Variants in RGPD1 observed in about 807,000 individuals in gnomAD.
RGPD1 encodes RANBP2-like and GRIP domain-containing protein 1.
RGPD1 carries 7 observed loss-of-function variants against 40.6 expected under a neutral mutation model. The ratio of observed to expected loss-of-function variants is 0.17; its 90% CI spans 0.10 to 0.32. The LOEUF is 0.32. Among genes scored for constraint, RGPD1 ranks in the 10% least tolerant of loss-of-function variants. RGPD1 has a pLI of 1.00. For synonymous variants in RGPD1, 24 were observed against 167.0 expected (o/e 0.14, Z 6.60); for missense variants, 50 against 472.5 (o/e 0.11, Z 8.29).
At chr2:86,933,757 AT>A (rs536532606) in intron 1 of RGPD1, among the ~76,000 whole-genome samples, 28 of 79,960 alleles carry the variant, frequency 3.5e-4, no homozygotes, top group East Asian at 2.2e-3. Flanking sequence ...CTAAGAGTAA[AT>A]TTTTTTTTTT....
chr2:86,915,120 A>G (rs1421746285), intron 1 of RGPD1, among the ~76,000 whole-genome samples: 1 of 149,478 alleles, frequency 6.7e-6, no homozygotes, highest in East Asian at 2.0e-4. Flanking sequence ...ACGTGGTGAA[A>G]CCCTTTCTCT....
At chr2:87,009,147 T>C (rs1420529650) in intron 22 of RGPD1, among the ~76,000 whole-genome samples, 1 of 69,504 alleles carries the variant, frequency 1.4e-5, no homozygotes, top group African/African-American at 6.3e-5. Flanking sequence ...CTACTAAAAA[T>C]ACAAAAAATT....
At chr2:86,919,464 C>T (rs556273305) in intron 1 of RGPD1, among the ~76,000 whole-genome samples, 1 of 129,994 alleles carries the variant, frequency 7.7e-6, no homozygotes, top group South Asian at 2.6e-4. Context: ...AGGCCATAGG[C>T]TTATAAGGTG....
intron 1 of RGPD1, among the ~76,000 whole-genome samples, chr2:86,914,338 C>CCG (rs1677640616): frequency 9.4e-5 from 2 of 21,214 alleles, no homozygotes; most frequent in Non-Finnish European, 1.6e-4. Context: ...GGCCGGGCGG[C>CCG]GGCGGCGGCG....
upstream of RGPD1, among the ~76,000 whole-genome samples, chr2:86,941,420 C>G (rs1269371335): frequency 6.7e-6 from 1 of 149,924 alleles, no homozygotes; most frequent in Non-Finnish European, 1.5e-5. Flanking sequence ...AAGTGTCTCA[C>G]TCTGGTGCCC....
upstream of RGPD1, among the ~76,000 whole-genome samples, chr2:86,938,619 T>C (rs1333542526): frequency 1.2e-4 from 18 of 151,944 alleles, no homozygotes; most frequent in African/African-American, 4.1e-4. Flanking sequence ...AAAAAATAAA[T>C]AAATAAAAAG....
In RGPD1 at chr2:86,942,216, G is replaced by A. The variant is rs1033451214; in HGVS notation, c.-21G>A. The A allele has an allele frequency of 1.9e-5, 31 of 1,597,546 alleles. No individual in the cohort carries two copies. In the South Asian group the frequency reaches 2.3e-4, roughly 12 times the overall value. On this transcript the variant is annotated 5_prime_UTR_variant, in exon 1 of 23. Coordinates refer to ENST00000641458, the MANE Select transcript of RGPD1 (RefSeq NM_001382344.1). ...GCTGAGCGCTGGTTTCACGCGTCTC[G>A]GGAGCCAGGTTGGCGGTGCGATGAG...
At chr2:86,915,060 C>A (rs1223535031) in intron 1 of RGPD1, among the ~76,000 whole-genome samples, 1 of 149,598 alleles carries the variant, frequency 6.7e-6, no homozygotes, top group Non-Finnish European at 1.5e-5. Flanking sequence ...TTTTGTGAGA[C>A]TGAGGCAGGT....
Position 87,008,800 on chromosome 2 carries a change from A to G in RGPD1, c.5237-3713A>G, listed in dbSNP as rs1193296188. ...AGAAATAAAAAACACCATAACAGAA[A>G]TGAAGAATGCCTTTGATGGGTTCAT... On this transcript the variant is annotated intron_variant, in intron 22 of 22. Coordinates refer to ENST00000641458, the MANE Select transcript of RGPD1 (RefSeq NM_001382344.1). Among the ~76,000 whole-genome samples the G allele has an allele frequency of 3.8e-3, 207 of 54,132 alleles. 1 individual carries two copies. The highest frequency in any genetic ancestry group is 0.016 in the African/African-American group (197 of 12,446). 35.5% of individuals were successfully genotyped at this position (54,132 alleles called of 152,430 possible).
At position 87,010,955 on chromosome 2, in the gene RGPD1, G is replaced by T. The variant is rs1232964389; in HGVS notation, c.5237-1558G>T. On this transcript the variant is annotated intron_variant, in intron 22 of 22. Coordinates refer to ENST00000641458, the MANE Select transcript of RGPD1 (RefSeq NM_001382344.1). ...AATTCTGGGATCTGAGCAAAGTTTT[G>T]CTCCTTTCCGAGAGGTGAACACGTT... 2.2e-5 allele frequency among the ~76,000 whole-genome samples: 2 copies of T among 90,256 alleles called. 1 individual carries two copies. Among genetic ancestry groups the T allele is most frequent in the Non-Finnish European group, 4.1e-5 (2 of 48,410 alleles). 59.2% of individuals were successfully genotyped at this position (90,256 alleles called of 152,430 possible).
chr2:86,914,298 CGGCGGCGGCG>C lies in RGPD1; in HGVS notation c.72+379_72+388del, dbSNP rs1677634466. Among the ~76,000 whole-genome samples, 67 of 57,392 alleles carry C rather than the reference CGGCGGCGGCG, an allele frequency of 1.2e-3. 2 individuals are homozygous for C. The highest frequency in any genetic ancestry group is 1.6e-3 in the Non-Finnish European group (50 of 31,040). 37.7% of individuals were successfully genotyped at this position (57,392 alleles called of 152,430 possible). A position where few individuals can be genotyped will look rare whatever the true frequency, so the allele number is the denominator to read the frequency against. ...GGCCTCGGCCGGGCGGCGGCGGCGG[CGGCGGCGGCG>C]GCGGCGGCGGCCTCGGCCTGGCCGG... On this transcript the variant is annotated intron_variant, in intron 1 of 22. Transcript: ENST00000398193.
chr2:86,924,415 A>G (rs1249280241), intron 1 of RGPD1, among the ~76,000 whole-genome samples: 3 of 150,326 alleles, frequency 2.0e-5, no homozygotes, highest in Non-Finnish European at 3.0e-5. Flanking sequence ...TTGACCTCCC[A>G]AAGTGCTGAG....
chr2:86,914,798 GGGC>G (rs551941000), intron 1 of RGPD1, among the ~76,000 whole-genome samples: 85 of 722 alleles, frequency 0.12, 21 homozygotes, highest in South Asian at 0.5. Flanking sequence ...CCACCTGGAC[GGGC>G]GGCGGCGGCG....
At chr2:86,924,620 A>G (rs1277645675) in intron 1 of RGPD1, among the ~76,000 whole-genome samples, 4 of 150,658 alleles carry the variant, frequency 2.7e-5, no homozygotes, top group Non-Finnish European at 5.9e-5. Flanking sequence ...ATGCTCCATC[A>G]TGCCTGGCTA....
chr2:86,929,546 C>T (rs536503801), intron 1 of RGPD1, among the ~76,000 whole-genome samples: 421 of 150,674 alleles, frequency 2.8e-3, no homozygotes, highest in African/African-American at 9.8e-3. Context: ...ATTGTTTAAT[C>T]CTCACAACAA....
At chr2:86,942,678 C>T (rs1328923968) in intron 1 of RGPD1, among the ~76,000 whole-genome samples, 1 of 142,948 alleles carries the variant, frequency 7.0e-6, no homozygotes, top group South Asian at 2.2e-4. Context: ...GCGGCCTCGA[C>T]CTGGCCGGGC....
intron 1 of RGPD1, among the ~76,000 whole-genome samples, chr2:86,928,480 ATATGGTAAATGAGTAG>A (rs1162167679): frequency 9.2e-5 from 14 of 152,092 alleles, no homozygotes; most frequent in African/African-American, 2.9e-4. Flanking sequence ...CCTCTATGGT[ATATGGTAAATGAGTAG>A]TATGGTAAAT....
At chr2:86,914,521 C>T (rs1573556952) in intron 1 of RGPD1, among the ~76,000 whole-genome samples, 1 of 39,648 alleles carries the variant, frequency 2.5e-5, no homozygotes, top group Non-Finnish European at 4.9e-5. Context: ...GCGGCGGCGG[C>T]GGCGGCGGCC....
intron 1 of RGPD1, among the ~76,000 whole-genome samples, chr2:86,915,135 A>C (rs1405669197): frequency 5.3e-5 from 8 of 149,756 alleles, no homozygotes; most frequent in African/African-American, 2.0e-4. Flanking sequence ...TTCTCTACTG[A>C]AAATACAAAA....
Sources: gnomAD v4.1 joint callset for allele counts (sites outside exome capture counted in the v4.1 genomes callset) on GRCh38, gnomAD v4.1.1 for gene constraint, MANE v1.5 for transcripts, NCBI Gene and HGNC (gene_info 2026-07-23, HGNC 2026-07-21) for gene names.